PRKX: variants seen among roughly 807,000 people sequenced by gnomAD.
The protein encoded by PRKX is cAMP-dependent protein kinase catalytic subunit PRKX.
PRKX carries 12 observed loss-of-function variants against 22.0 expected under a neutral mutation model. That is an observed-to-expected ratio of 0.54 (90% confidence interval 0.35 to 0.88). The LOEUF is 0.88. Ranked by LOEUF, PRKX falls within the 40% of genes least tolerant of loss-of-function variation. The pLI, the probability that PRKX is intolerant of heterozygous loss-of-function variation, is 0.01. For synonymous variants in PRKX, 134 were observed against 137.7 expected, an observed-to-expected ratio of 0.97 and a Z score of 0.19; for missense variants, 217 against 308.0, an observed-to-expected ratio of 0.70 and a Z score of 2.21.
At position 3,606,929 on chromosome X, in the gene PRKX, A is replaced by G. The variant is rs191889509; in HGVS notation, c.*2040T>C. ...TGGAGGCTGATCACGACGTCTGTAA[A>G]GAACAAGGTCACCAATGTGCTTGCA... On this transcript the variant is annotated 3_prime_UTR_variant, in exon 9 of 9. Coordinates refer to ENST00000262848, the MANE Select transcript of PRKX (RefSeq NM_005044.5). 30 of 111,890 alleles carry G rather than the reference A, an allele frequency of 2.7e-4. No individual in the cohort carries two copies. Among genetic ancestry groups the G allele is most frequent in the Admixed American group, 2.4e-3 (25 of 10,499 alleles). 9.2% of individuals were successfully genotyped at this position (111,890 alleles called of 1,213,427 possible).
At chrX:3,689,765 C>G (rs1057369838) in intron 1 of PRKX, among the ~76,000 whole-genome samples, 5 of 111,832 alleles carry the variant, frequency 4.5e-5, no homozygotes, top group Non-Finnish European at 7.5e-5. Flanking sequence ...ATCACAAGGT[C>G]AGGAGATCGA....
At position 3,667,308 on chromosome X, in the gene PRKX, C is replaced by T. The variant is rs186169004; in HGVS notation, c.335+7290G>A. On this transcript the variant is annotated intron_variant, in intron 2 of 8. Coordinates refer to ENST00000262848, the MANE Select transcript of PRKX (RefSeq NM_005044.5). ...CAAATCAGCCTCACTAATTTGGAGACGCCTTACCGTAGAAGTTGGTCCTCC... is the reference window on the plus strand; with the variant it reads ...CAAATCAGCCTCACTAATTTGGAGATGCCTTACCGTAGAAGTTGGTCCTCC... 5.4e-5 allele frequency: 6 copies of T among 111,735 alleles called. No individual in the cohort carries two copies. In the South Asian group the frequency reaches 1.5e-3, roughly 28 times the overall value. 9.2% of individuals were successfully genotyped at this position (111,735 alleles called of 1,213,427 possible).
intron 4 of PRKX, among the ~76,000 whole-genome samples, chrX:3,639,821 G>C (rs1309706029): frequency 9.4e-4 from 104 of 110,744 alleles, no homozygotes; most frequent in African/African-American, 3.0e-3. Context: ...CTTTATAAAA[G>C]AGGGCAGAGA....
chrX:3,616,850 A>C (rs1370638133), intron 6 of PRKX, among the ~76,000 whole-genome samples: 2 of 111,895 alleles, frequency 1.8e-5, no homozygotes, highest in Non-Finnish European at 3.8e-5. Flanking sequence ...CCCTTCAGCA[A>C]TGTTGTGAAT....
In PRKX at chrX:3,604,769, C is replaced by T. The variant is rs750663539; in HGVS notation, c.*4200G>A. The stretch of plus-strand genomic sequence containing the variant: ...GAGCACAAGGACTGTGGAAAGGCTT[C>T]AAGTCTCATCTGCTAAAACACAATT... On this transcript the variant is annotated 3_prime_UTR_variant, in exon 9 of 9. Transcript: ENST00000262848. 2.2e-4 allele frequency: 25 copies of T among 112,039 alleles called. No individual in the cohort carries two copies. The highest frequency in any genetic ancestry group is 8.1e-4 in the African/African-American group (25 of 30,806). The allele number at this position is 112,039 out of a possible 1,213,427, so 9.2% of individuals were successfully genotyped here. A position where few individuals can be genotyped will look rare whatever the true frequency, so the allele number is the denominator to read the frequency against.
At chrX:3,677,662 G>A (rs1927992298) in intron 1 of PRKX, among the ~76,000 whole-genome samples, 1 of 111,877 alleles carries the variant, frequency 8.9e-6, no homozygotes, top group African/African-American at 3.2e-5. Context: ...AGTATTTGCT[G>A]TAAACTAAAA....
chrX:3,606,239 G>A lies in PRKX; in HGVS notation c.*2730C>T, dbSNP rs1247096024. On this transcript the variant is annotated 3_prime_UTR_variant, in exon 9 of 9. Transcript: ENST00000262848. The stretch of plus-strand genomic sequence containing the variant: ...TTCCTCCACATTTTGCGCAGTGATT[G>A]TTTGTCATGATCATCCATACGGACA... 1 of 112,213 alleles carries A rather than the reference G, an allele frequency of 8.9e-6. No individual in the cohort carries two copies. Among genetic ancestry groups the A allele is most frequent in the Non-Finnish European group, 1.9e-5 (1 of 53,297 alleles). The allele number at this position is 112,213 out of a possible 1,213,427, so 9.2% of individuals were successfully genotyped here.
At chrX:3,654,011 C>CAT (rs1431465956) in intron 3 of PRKX, among the ~76,000 whole-genome samples, 1 of 65,551 alleles carries the variant, frequency 1.5e-5, no homozygotes, top group African/African-American at 6.3e-5. Flanking sequence ...GTGATATATA[C>CAT]TATATATATT....
chrX:3,708,011 G>T (rs925418009), intron 1 of PRKX, among the ~76,000 whole-genome samples: 31 of 112,212 alleles, frequency 2.8e-4, no homozygotes, highest in African/African-American at 8.1e-4. Flanking sequence ...GACAGACAGG[G>T]TGGGGATGCC....
At position 3,651,276 on chromosome X, in the gene PRKX, C is replaced by T. The variant is rs966817402; in HGVS notation, c.599+3873G>A. 9.8e-5 allele frequency among the ~76,000 whole-genome samples: 11 copies of T among 112,000 alleles called. No individual in the cohort carries two copies. The East Asian group carries it at 2.8e-3, about 28-fold the overall frequency. ...TAAAATAATTGCTGCATGTTATATA[C>T]GAAACCATTTTCGTCCATTTAAATA... is the stretch of plus-strand genomic sequence containing the variant. On this transcript the variant is annotated intron_variant, in intron 3 of 8. Transcript: ENST00000262848.
chrX:3,660,987 T>C (rs1313966500), intron 2 of PRKX, among the ~76,000 whole-genome samples: 1 of 109,932 alleles, frequency 9.1e-6, no homozygotes. Context: ...CTGAGATGTG[T>C]AAGGTTGTAT....
At chrX:3,705,726 G>C (rs1176520158) in intron 1 of PRKX, among the ~76,000 whole-genome samples, 1 of 102,453 alleles carries the variant, frequency 9.8e-6, no homozygotes, top group South Asian at 4.4e-4. Flanking sequence ...TTGCTCTGTC[G>C]CCCAGGCTGG....
intron 7 of PRKX, among the ~76,000 whole-genome samples, chrX:3,612,792 A>G (rs1926325861): frequency 9.1e-6 from 1 of 110,246 alleles, no homozygotes; most frequent in South Asian, 3.9e-4. Context: ...GTCTCAAAAT[A>G]TATATATATA....
intron 5 of PRKX, among the ~76,000 whole-genome samples, chrX:3,625,939 A>AC (rs767419018): frequency 1.2e-4 from 13 of 112,058 alleles, no homozygotes; most frequent in Non-Finnish European, 2.1e-4. Flanking sequence ...ATGTGCATCC[A>AC]AAGTTGCCAA....
At chrX:3,707,155 A>G (rs7065707) in intron 1 of PRKX, among the ~76,000 whole-genome samples, 6,900 of 110,491 alleles carry the variant, frequency 0.062, 440 homozygotes, top group African/African-American at 0.2. Flanking sequence ...AGAAAATAAC[A>G]CTAATGTTGT....
intron 4 of PRKX, among the ~76,000 whole-genome samples, chrX:3,635,586 AT>A (rs371440231): frequency 0.015 from 1,587 of 104,455 alleles, 38 homozygotes; most frequent in African/African-American, 0.052. Context: ...GCTTTAGCTG[AT>A]TTTTTTTTTT....
At chrX:3,638,792 G>C (rs1926952767) in intron 4 of PRKX, among the ~76,000 whole-genome samples, 1 of 109,407 alleles carries the variant, frequency 9.1e-6, no homozygotes, top group Non-Finnish European at 1.9e-5. Flanking sequence ...TAGGTAGATA[G>C]ATGATTGATA....
intron 2 of PRKX, among the ~76,000 whole-genome samples, chrX:3,669,848 G>A (rs1927812762): frequency 9.0e-6 from 1 of 111,369 alleles, no homozygotes; most frequent in South Asian, 3.8e-4. Context: ...CCTACCTATC[G>A]TATCTATCAT....
intron 6 of PRKX, among the ~76,000 whole-genome samples, chrX:3,620,095 C>T (rs1250873600): frequency 8.9e-6 from 1 of 111,862 alleles, no homozygotes; most frequent in Non-Finnish European, 1.9e-5. Context: ...TGATGCACAA[C>T]TTTTAAAATC....
Sources: allele counts gnomAD v4.1 joint callset (sites outside exome capture counted in the v4.1 genomes callset), GRCh38; gene constraint gnomAD v4.1.1; transcripts MANE v1.5; gene names NCBI Gene and HGNC (gene_info 2026-07-23, HGNC 2026-07-21).